CDC25C: variants seen among roughly 807,000 people sequenced by gnomAD.
CDC25C encodes cell division cycle 25C, also known as M-phase inducer phosphatase 3.
In CDC25C, 48 loss-of-function variants were observed where a neutral mutation model predicts 52.5. The observed-to-expected ratio is 0.91, with a 90% CI of 0.72 to 1.16. CDC25C has a LOEUF of 1.16. Ranked by LOEUF, CDC25C falls within the 50% of genes most tolerant of loss-of-function variation. CDC25C has a pLI of 0.00. For missense variants in CDC25C, 510 were observed against 566.1 expected (o/e 0.90, Z 1.01); for synonymous variants, 187 against 206.5 (o/e 0.91, Z 0.81).
At position 138,286,515 on chromosome 5, in the gene CDC25C, G is replaced by C; in HGVS notation, c.1142C>G (p.Ser381Ter). The change falls in exon 12 of 14, where the codon TCA becomes TGA. Residue 381 changes from serine to a stop codon, truncating the protein, a stop_gained. Transcript: ENST00000323760. LOFTEE classifies it high-confidence loss of function. Reference sequence around the variant, plus strand: ...CACTCACATTCGGGGGCCCCTCTCTGAGGAGAATTCACAGTGGAACACGAT... The same window carrying C: ...CACTCACATTCGGGGGCCCCTCTCTCAGGAGAATTCACAGTGGAACACGAT... ...IIIVFHCEFSSERGPRMCRCL... is the reference protein window; with the variant it reads ...IIIVFHCEFS 3.7e-6 allele frequency: 6 copies of C among 1,612,748 alleles called. No individual in the cohort carries two copies. The highest frequency in any genetic ancestry group is 1.3e-5 in the African/African-American group (1 of 74,968).
At chr5:138,297,133 G>C (rs1055739940) in intron 7 of CDC25C, among the ~76,000 whole-genome samples, 2 of 144,566 alleles carry the variant, frequency 1.4e-5, no homozygotes, top group Non-Finnish European at 3.0e-5. Flanking sequence ...GGATGGTCTT[G>C]ATCTCCCGAC....
At chr5:138,335,068 C>T (rs1478932686), upstream of CDC25C, 1 of 152,264 alleles carries the variant, frequency 6.6e-6, no homozygotes, top group African/African-American at 2.4e-5. Flanking sequence ...CTCAGTCTGA[C>T]TCATACATGT....
intron 7 of CDC25C, among the ~76,000 whole-genome samples, chr5:138,302,011 T>A (rs890619581): frequency 1.3e-5 from 2 of 148,176 alleles, no homozygotes; most frequent in Non-Finnish European, 3.0e-5. Context: ...GGCCTTTTTA[T>A]TGAGACAGAG....
intron 1 of CDC25C, chr5:138,337,477 CA>C (rs554123884): frequency 2.5e-5 from 4 of 157,188 alleles, no homozygotes; most frequent in Middle Eastern, 3.2e-3. Flanking sequence ...CACCTCCCCC[CA>C]GGCAAACGCA....
At chr5:138,329,726 CTTTTTTTTTTT>C (rs71574413) in intron 2 of CDC25C, 79 bp from the exon 3 acceptor site, 24 of 293,696 alleles carry the variant, frequency 8.2e-5, no homozygotes, top group East Asian at 6.1e-4. Context: ...TCATCCTCTT[CTTTTTTTTTTT>C]TTTTTTTTTT....
At chr5:138,332,298 C>T (rs936848195), upstream of CDC25C, 1 of 152,212 alleles carries the variant, frequency 6.6e-6, no homozygotes, top group African/African-American at 2.4e-5. Context: ...GCTGGCCTTC[C>T]ACGGGAGATG....
At position 138,292,120 on chromosome 5, in the gene CDC25C, T is replaced by C; in HGVS notation, c.616-4A>G. On this transcript the variant is annotated splice_region_variant and splice_polypyrimidine_tract_variant and intron_variant, in intron 7 of 13. Transcript: ENST00000323760. ...GATATAGGCCACTTCTGCTCACCTG[T>C]TTGGGAATATTAAACCCCCTAGTTC... 2 of 1,609,332 alleles carry C rather than the reference T, an allele frequency of 1.2e-6. No homozygotes were observed. The highest frequency in any genetic ancestry group is 2.2e-5 in the East Asian group (1 of 44,644).
At chr5:138,316,100 C>T (rs956911960) in intron 7 of CDC25C, among the ~76,000 whole-genome samples, 6 of 152,198 alleles carry the variant, frequency 3.9e-5, no homozygotes, top group African/African-American at 1.4e-4. Flanking sequence ...GGGCCGGGAG[C>T]AGGCAGGATC....
At chr5:138,300,128 G>A (rs1410140696) in intron 7 of CDC25C, among the ~76,000 whole-genome samples, 1 of 152,164 alleles carries the variant, frequency 6.6e-6, no homozygotes, top group African/African-American at 2.4e-5. Flanking sequence ...GGAGCACACA[G>A]GAGTTCAAGG....
intron 7 of CDC25C, 139 bp from the exon 8 acceptor site, chr5:138,292,255 A>G (rs1756796388): frequency 2.6e-5 from 16 of 607,102 alleles, no homozygotes; most frequent in Non-Finnish European, 3.2e-5. Flanking sequence ...CTGAATTAAA[A>G]TCTGCATTTT....
chr5:138,307,089 C>T (rs899863173), intron 7 of CDC25C, among the ~76,000 whole-genome samples: 1 of 151,970 alleles, frequency 6.6e-6, no homozygotes, highest in Non-Finnish European at 1.5e-5. Flanking sequence ...AGGGATCTGC[C>T]TGCCTCGGCC....
chr5:138,304,331 CTTTTTT>C (rs558050918), intron 7 of CDC25C, among the ~76,000 whole-genome samples: 17 of 100,894 alleles, frequency 1.7e-4, no homozygotes, highest in Non-Finnish European at 2.7e-4. Context: ...CCATGCCTGG[CTTTTTT>C]TTTTTTTTTT....
At chr5:138,309,958 C>A (rs145179017) in intron 7 of CDC25C, among the ~76,000 whole-genome samples, 1 of 152,226 alleles carries the variant, frequency 6.6e-6, no homozygotes, top group Non-Finnish European at 1.5e-5. Context: ...CCACCTGTCT[C>A]GGCCTCCCAA....
chr5:138,320,032 C>T (rs776474596), intron 6 of CDC25C, among the ~76,000 whole-genome samples: 4 of 152,180 alleles, frequency 2.6e-5, no homozygotes, highest in Non-Finnish European at 2.9e-5. Context: ...AGGGGCCGGG[C>T]GCAGTAGCTC....
Position 138,325,786 on chromosome 5 carries a change from A to T in CDC25C, c.459+29T>A, listed in dbSNP as rs1251297153. 3.3e-6 allele frequency: 5 copies of T among 1,507,722 alleles called. No individual in the cohort carries two copies. In the South Asian group the frequency reaches 5.7e-5, roughly 17 times the overall value. 93.4% of individuals were successfully genotyped at this position (1,507,722 alleles called of 1,614,324 possible). ...CTTCACTCAAAAAATAAAACTGCCAATATATCTAGGTTTCCATTAAACACT... is the reference window on the plus strand; with the variant it reads ...CTTCACTCAAAAAATAAAACTGCCATTATATCTAGGTTTCCATTAAACACT... On this transcript the variant is annotated intron_variant, in intron 6 of 13. Transcript: ENST00000323760.
chr5:138,322,501 A>G (rs1580800687), intron 6 of CDC25C, among the ~76,000 whole-genome samples: 2 of 71,772 alleles, frequency 2.8e-5, no homozygotes, highest in African/African-American at 9.8e-5. Context: ...TTTGAGATGG[A>G]GTCTCGCTCT....
In CDC25C at chr5:138,316,902, G is replaced by A. The variant is rs556224923; in HGVS notation, c.615+2317C>T. Among the ~76,000 whole-genome samples, 38 of 152,208 alleles carry A rather than the reference G, an allele frequency of 2.5e-4. 1 individual carries two copies. In the Middle Eastern group the frequency reaches 0.017, roughly 68 times the overall value. ...CTAACACTCAATAAAGCTTCTCTTC[G>A]TCTTGCTAACCCTCTACTTGTCTGC... is the stretch of plus-strand genomic sequence containing the variant. On this transcript the variant is annotated intron_variant, in intron 7 of 13. Transcript: ENST00000323760.
chr5:138,332,077 G>T, upstream of CDC25C: 1 of 176,508 alleles, frequency 5.7e-6, no homozygotes, highest in Non-Finnish European at 1.1e-5. Context: ...CGCATCATTG[G>T]CTCTCCCTCT....
At chr5:138,336,543 G>A (rs1760717285), upstream of CDC25C, among the ~76,000 whole-genome samples, 1 of 152,170 alleles carries the variant, frequency 6.6e-6, no homozygotes. Flanking sequence ...TAAATATGCT[G>A]GGCATGGTGG....
Sources: allele counts gnomAD v4.1 joint callset (sites outside exome capture counted in the v4.1 genomes callset), GRCh38; gene constraint gnomAD v4.1.1; transcripts MANE v1.5; gene names NCBI Gene and HGNC (gene_info 2026-07-23, HGNC 2026-07-21).